Variants in C10orf53 observed in about 807,000 individuals in gnomAD.
The protein encoded by C10orf53 is UPF0728 protein C10orf53.
In C10orf53, 8 loss-of-function variants were observed where a neutral mutation model predicts 9.4. That is an observed-to-expected ratio of 0.85 (90% confidence interval 0.50 to 1.53). C10orf53 has a LOEUF of 1.53. Ranked by LOEUF, C10orf53 falls within the 40% of genes most tolerant of loss-of-function variation. C10orf53 has a pLI of 0.00. For missense variants in C10orf53, 117 were observed against 117.8 expected (o/e 0.99, Z 0.03); for synonymous variants, 48 against 46.0 (o/e 1.04, Z -0.18).
chr10:49,708,107 C>A (rs1840735195), intron 2 of C10orf53, among the ~76,000 whole-genome samples: 1 of 152,194 alleles, frequency 6.6e-6, no homozygotes, highest in South Asian at 2.1e-4. Flanking sequence ...AGCTCCACTT[C>A]CCAACATCTT....
Position 49,695,141 on chromosome 10 carries a change from A to C in C10orf53, c.*539A>C. 1 of 211,568 alleles carries C rather than the reference A, an allele frequency of 4.7e-6. No homozygotes were observed. The highest frequency in any genetic ancestry group is 8.2e-6 in the Non-Finnish European group (1 of 122,088). The allele number at this position is 211,568 out of a possible 1,614,324, so 13.1% of individuals were successfully genotyped here. A position where few individuals can be genotyped will look rare whatever the true frequency, so the allele number is the denominator to read the frequency against. ...TATTTTAAATTGCTATTATAAAATT[A>C]GCCAAAATCAAATCTTCAATTTCTC... On this transcript the variant is annotated 3_prime_UTR_variant, in exon 3 of 3. Coordinates refer to ENST00000374111, the MANE Select transcript of C10orf53 (RefSeq NM_001042427.3).
intron 1 of C10orf53, among the ~76,000 whole-genome samples, chr10:49,682,536 GGGACAGGAGCCA>G (rs1840489169): frequency 9.3e-4 from 1 of 1,072 alleles, no homozygotes; most frequent in Non-Finnish European, 0.025. Context: ...AGCGTGGAGG[GGGACAGGAGCCA>G]GTTGCTGCTG....
downstream of C10orf53, among the ~76,000 whole-genome samples, chr10:49,698,792 G>A (rs1840657554): frequency 6.6e-6 from 1 of 152,094 alleles, no homozygotes; most frequent in South Asian, 2.1e-4. Flanking sequence ...CATAGGACGG[G>A]GCACTGCACT....
At chr10:49,698,161 G>C (rs1840651989), downstream of C10orf53, among the ~76,000 whole-genome samples, 1 of 152,146 alleles carries the variant, frequency 6.6e-6, no homozygotes, top group African/African-American at 2.4e-5. Flanking sequence ...GCAGTGGCAT[G>C]CACCTGTAGT....
intron 2 of C10orf53, 105 bp from the exon 3 acceptor site, chr10:49,694,433 C>T: frequency 6.9e-7 from 1 of 1,459,324 alleles, no homozygotes; most frequent in African/African-American, 1.4e-5. Flanking sequence ...TTTACCAGCC[C>T]ATGGCCTTTG....
chr10:49,693,776 G>A lies in C10orf53; in HGVS notation c.100G>A (p.Val34Met). Reference protein sequence around the residue: ...HTFRLQGLQAVLAIDGHEVIL... With the variant: ...HTFRLQGLQAMLAIDGHEVIL... ...ACCTCCTTTTCTTTCCTTCCCAGCT[G>A]TGTTGGCCATAGATGGACATGAGGT... The change falls in exon 2 of 3, where the codon GTG becomes ATG. Residue 34 changes from valine (V) to methionine (M), a missense_variant and splice_region_variant. Physicochemically the swap from Val to Met is conservative, Grantham distance 21. Transcript: ENST00000374111. 1.2e-6 allele frequency: 2 copies of A among 1,613,482 alleles called. No homozygotes were observed. The highest frequency in any genetic ancestry group is 1.3e-5 in the African/African-American group (1 of 75,046).
intron 1 of C10orf53, among the ~76,000 whole-genome samples, chr10:49,681,747 G>A (rs1422396804): frequency 1.3e-5 from 2 of 152,184 alleles, no homozygotes; most frequent in East Asian, 3.8e-4. Flanking sequence ...TATATGGGGA[G>A]AGCGGGGAGC....
At position 49,691,649 on chromosome 10, in the gene C10orf53, C is replaced by T. The variant is rs11101211; in HGVS notation, c.98-2125C>T. Among the ~76,000 whole-genome samples the T allele has an allele frequency of 8.5e-5, 13 of 152,320 alleles. No individual in the cohort carries two copies. The East Asian group carries it at 1.9e-3, about 23-fold the overall frequency. ...CCTCAACTCAATAGGGTAAGTGATTCGGTGGATCAATTCCTGTTTCTGAGC... is the reference window on the plus strand; with the variant it reads ...CCTCAACTCAATAGGGTAAGTGATTTGGTGGATCAATTCCTGTTTCTGAGC... On this transcript the variant is annotated intron_variant, in intron 1 of 2. Transcript: ENST00000374111.
At chr10:49,690,745 T>A (rs1021562642) in intron 1 of C10orf53, among the ~76,000 whole-genome samples, 1 of 152,154 alleles carries the variant, frequency 6.6e-6, no homozygotes, top group African/African-American at 2.4e-5. Context: ...ATCCATAAAA[T>A]AGAATCCACC....
At chr10:49,685,242 T>C (rs1331807809) in intron 1 of C10orf53, among the ~76,000 whole-genome samples, 1 of 152,182 alleles carries the variant, frequency 6.6e-6, no homozygotes, top group East Asian at 1.9e-4. Context: ...TGAGTACCCA[T>C]ACAACCCCAT....
chr10:49,687,658 C>T (rs969760154), intron 1 of C10orf53, among the ~76,000 whole-genome samples: 2 of 152,216 alleles, frequency 1.3e-5, no homozygotes, highest in African/African-American at 2.4e-5. Context: ...TAACTCCATG[C>T]GTACACACAG....
exon 3 of C10orf53, chr10:49,709,850 TCTC>T (rs369448172): frequency 1.3e-4 from 20 of 152,562 alleles, no homozygotes; most frequent in African/African-American, 4.8e-4. Context: ...TCTTTCCCCT[TCTC>T]CCTTCTCTCC....
intron 2 of C10orf53, among the ~76,000 whole-genome samples, chr10:49,706,840 G>T (rs148715095): frequency 4.6e-5 from 7 of 152,294 alleles, no homozygotes; most frequent in African/African-American, 1.7e-4. Context: ...TACTGGTTTT[G>T]CAAAGATGTC....
At chr10:49,684,679 A>G (rs775275629) in intron 1 of C10orf53, among the ~76,000 whole-genome samples, 51 of 152,312 alleles carry the variant, frequency 3.3e-4, no homozygotes, top group Admixed American at 8.5e-4. Context: ...GTAGAAATAC[A>G]ACTGCTTTTT....
intron 1 of C10orf53, among the ~76,000 whole-genome samples, chr10:49,685,949 G>A (rs1485408998): frequency 6.6e-6 from 1 of 151,814 alleles, no homozygotes; most frequent in African/African-American, 2.4e-5. Flanking sequence ...TTTTCTCCTG[G>A]GACTTTCACT....
Position 49,694,959 on chromosome 10 carries a change from T to C in C10orf53, c.*357T>C. On this transcript the variant is annotated 3_prime_UTR_variant, in exon 3 of 3. Transcript: ENST00000374111. ...TTGCCAGAAGCATCTGAGATTCCAT[T>C]GTTTAGTACTCAAAGTGCTCAGAAC... 9.6e-7 allele frequency: 1 copy of C among 1,038,884 alleles called. No homozygotes were observed. The highest frequency in any genetic ancestry group is 1.2e-6 in the Non-Finnish European group (1 of 862,846). The allele number at this position is 1,038,884 out of a possible 1,614,324, so 64.4% of individuals were successfully genotyped here.
Position 49,695,804 on chromosome 10 carries a change from T to A in C10orf53, c.*1202T>A, listed in dbSNP as rs1840629387. On this transcript the variant is annotated 3_prime_UTR_variant, in exon 3 of 3. Transcript: ENST00000374111. ...AACTCTATGGAACTATTTAAGCATCTCCTTACTGAGAAACTGAGGCTCAAA... is the reference window on the plus strand; with the variant it reads ...AACTCTATGGAACTATTTAAGCATCACCTTACTGAGAAACTGAGGCTCAAA... 6.6e-6 allele frequency: 1 copy of A among 152,220 alleles called. No individual in the cohort carries two copies. The highest frequency in any genetic ancestry group is 1.5e-5 in the Non-Finnish European group (1 of 68,042). 9.4% of individuals were successfully genotyped at this position (152,220 alleles called of 1,614,324 possible).
chr10:49,688,660 C>T (rs1406950763), intron 1 of C10orf53, among the ~76,000 whole-genome samples: 1 of 144,668 alleles, frequency 6.9e-6, no homozygotes, highest in Non-Finnish European at 1.5e-5. Flanking sequence ...TCTGCCTATC[C>T]TCTCCCTGGC....
intron 1 of C10orf53, among the ~76,000 whole-genome samples, chr10:49,693,428 T>C (rs1460405546): frequency 6.6e-6 from 1 of 152,200 alleles, no homozygotes; most frequent in Non-Finnish European, 1.5e-5. Context: ...AGTAAGAAGT[T>C]GCCTATTCCC....
Sources: allele counts gnomAD v4.1 joint callset (sites outside exome capture counted in the v4.1 genomes callset), GRCh38; gene constraint gnomAD v4.1.1; transcripts MANE v1.5; gene names NCBI Gene and HGNC (gene_info 2026-07-23, HGNC 2026-07-21).